The following FTO variants were observed in gnomAD, a reference collection of about 807,000 sequenced individuals.
FTO encodes FTO alpha-ketoglutarate dependent dioxygenase.
Under a neutral mutation model 63.9 loss-of-function variants are expected in FTO, and 47 were observed. The ratio of observed to expected loss-of-function variants is 0.74; its 90% confidence interval spans 0.58 to 0.94. FTO has a LOEUF of 0.94. Among genes scored for constraint, FTO ranks in the 40% least tolerant of loss-of-function variants. FTO has a pLI of 0.00. For missense variants in FTO, 562 were observed against 618.1 expected, an observed-to-expected ratio of 0.91 and a Z score of 0.96; for synonymous variants, 207 against 224.4, an observed-to-expected ratio of 0.92 and a Z score of 0.69.
chr16:54,106,055 G>A (rs1251903265), intron 8 of FTO, among the ~76,000 whole-genome samples: 2 of 152,114 alleles, frequency 1.3e-5, no homozygotes, highest in Non-Finnish European at 2.9e-5. Flanking sequence ...GATGCAATAA[G>A]GGAAGAAATT....
chr16:53,760,014 G>A (rs149888729), intron 1 of FTO, among the ~76,000 whole-genome samples: 6 of 152,060 alleles, frequency 3.9e-5, no homozygotes, highest in African/African-American at 1.4e-4. Context: ...AAGAATCTAG[G>A]GTCTAACCTC....
intron 6 of FTO, chr16:53,886,940 T>C (rs1307314295): frequency 6.6e-6 from 1 of 152,214 alleles, no homozygotes; most frequent in Non-Finnish European, 1.5e-5. Flanking sequence ...TCCACGTTTC[T>C]TTAGCGGGCA....
At chr16:54,017,517 T>C (rs147017668) in intron 8 of FTO, among the ~76,000 whole-genome samples, 1,715 of 152,326 alleles carry the variant, frequency 0.011, 15 homozygotes, top group South Asian at 0.024. Flanking sequence ...TCTTAGGCGC[T>C]TCTAGGCAAA....
At chr16:53,770,241 C>T (rs560426943) in intron 1 of FTO, among the ~76,000 whole-genome samples, 1 of 152,246 alleles carries the variant, frequency 6.6e-6, no homozygotes, top group South Asian at 2.1e-4. Context: ...TAATTTCTTC[C>T]TAACGAACCT....
At chr16:53,975,378 AT>A (rs1230294436) in intron 8 of FTO, among the ~76,000 whole-genome samples, 1 of 152,052 alleles carries the variant, frequency 6.6e-6, no homozygotes, top group Non-Finnish European at 1.5e-5. Flanking sequence ...TATCTTTAAT[AT>A]TTTTTGACTT....
At chr16:53,804,806 G>T (rs925877448) in intron 1 of FTO, among the ~76,000 whole-genome samples, 4 of 151,870 alleles carry the variant, frequency 2.6e-5, no homozygotes, top group African/African-American at 9.7e-5. Flanking sequence ...GGTAGAGACG[G>T]GGTTCCCTTT....
At position 54,079,474 on chromosome 16, in the gene FTO, A is replaced by G. The variant is rs2144502212; in HGVS notation, c.1365-32288A>G. On this transcript the variant is annotated intron_variant, in intron 8 of 8. Transcript: ENST00000471389. ...GACGAACAGACTTACTGTTGATGGC[A>G]GCCACTAGAAGAAAAACACATAGAT... Among the ~76,000 whole-genome samples the G allele has an allele frequency of 1.3e-5, 2 of 152,350 alleles. 1 individual carries two copies. The highest frequency in any genetic ancestry group is 1.3e-4 in the Admixed American group (2 of 15,294).
chr16:53,759,693 CAAAAAAAAAAAAAAAAA>C (rs758376530), intron 1 of FTO, among the ~76,000 whole-genome samples: 73 of 28,516 alleles, frequency 2.6e-3, no homozygotes, highest in African/African-American at 0.011. Context: ...GACTCCTTCT[CAAAAAAAAAAAAAAAAA>C]AAAAAAGAAA....
intron 1 of FTO, among the ~76,000 whole-genome samples, chr16:53,806,510 C>T (rs2078372095): frequency 6.6e-6 from 1 of 152,134 alleles, no homozygotes; most frequent in Admixed American, 6.5e-5. Flanking sequence ...TTCCCAATAT[C>T]TTCTGGAGAG....
intron 1 of FTO, among the ~76,000 whole-genome samples, chr16:53,739,966 A>C (rs2076492729): frequency 6.6e-6 from 1 of 152,234 alleles, no homozygotes; most frequent in Non-Finnish European, 1.5e-5. Context: ...ACAAGAATAG[A>C]AGTACCACGA....
At chr16:53,755,362 C>T (rs1333785212) in intron 1 of FTO, among the ~76,000 whole-genome samples, 1 of 152,046 alleles carries the variant, frequency 6.6e-6, no homozygotes, top group Non-Finnish European at 1.5e-5. Flanking sequence ...AGTCAGAGGC[C>T]TAGGACTCTC....
intron 8 of FTO, chr16:53,999,818 T>C (rs2084027137): frequency 6.6e-6 from 1 of 152,242 alleles, no homozygotes; most frequent in South Asian, 2.1e-4. Flanking sequence ...TTGCTAGGTT[T>C]CGTTCCCACA....
intron 7 of FTO, among the ~76,000 whole-genome samples, chr16:53,917,311 G>A (rs1385356841): frequency 6.6e-6 from 1 of 152,218 alleles, no homozygotes; most frequent in Non-Finnish European, 1.5e-5. Flanking sequence ...GGAGGTAAGA[G>A]AGTGAACTCT....
intron 1 of FTO, among the ~76,000 whole-genome samples, chr16:53,782,561 A>G (rs2077614414): frequency 2.0e-5 from 3 of 152,204 alleles, no homozygotes; most frequent in Admixed American, 6.5e-5. Context: ...ATCTTTCCTA[A>G]TAGAATATAC....
rs145650985 is a variant in FTO, at chr16:53,795,284, A to C, written c.46-14856A>C. Reference sequence around the variant, plus strand: ...TCAGAATGTATCATAAAGAGACAAAAGATTTTTTAAAAGGCATTTAGGAGA... The same window carrying C: ...TCAGAATGTATCATAAAGAGACAAACGATTTTTTAAAAGGCATTTAGGAGA... On this transcript the variant is annotated intron_variant, in intron 1 of 8. Coordinates refer to ENST00000471389, the MANE Select transcript of FTO (RefSeq NM_001080432.3). Among the ~76,000 whole-genome samples, 1,314 of 152,344 alleles carry C rather than the reference A, an allele frequency of 8.6e-3. 16 individuals carry two copies. The highest frequency in any genetic ancestry group is 0.03 in the African/African-American group (1,263 of 41,586).
intron 6 of FTO, among the ~76,000 whole-genome samples, chr16:53,883,947 CTGT>C (rs1259647844): frequency 6.6e-6 from 1 of 152,174 alleles, no homozygotes; most frequent in Non-Finnish European, 1.5e-5. Context: ...CTACTTTGTC[CTGT>C]TGTTCAATGA....
rs2086964741 is a variant in FTO, at chr16:54,115,004, G to A, written c.*3089G>A. 1 of 152,300 alleles carries A rather than the reference G, an allele frequency of 6.6e-6. No homozygotes were observed. Among genetic ancestry groups the A allele is most frequent in the South Asian group, 2.1e-4 (1 of 4,830 alleles). 9.4% of individuals were successfully genotyped at this position (152,300 alleles called of 1,614,324 possible). On this transcript the variant is annotated 3_prime_UTR_variant, in exon 9 of 9. Coordinates refer to ENST00000471389, the MANE Select transcript of FTO (RefSeq NM_001080432.3). Reference sequence around the variant, plus strand: ...GTGGGCAAGACCCAATAAAAAAGCAGCTGGTGCGGGCAATGACAATGAACT... The same window carrying A: ...GTGGGCAAGACCCAATAAAAAAGCAACTGGTGCGGGCAATGACAATGAACT...
At chr16:54,037,109 C>T (rs1486439535) in intron 8 of FTO, among the ~76,000 whole-genome samples, 3 of 152,184 alleles carry the variant, frequency 2.0e-5, no homozygotes, top group African/African-American at 7.2e-5. Context: ...TGGGTAGAGA[C>T]AGAATCTCTT....
At position 54,115,182 on chromosome 16, in the gene FTO, A is replaced by G. The variant is rs535260492; in HGVS notation, c.*3267A>G. ...AGCAGCCCCCTCCTGCTTTCCTGCC[A>G]GTCCTCCCTGTGGTCCCAGGTCTCT... On this transcript the variant is annotated 3_prime_UTR_variant, in exon 9 of 9. Coordinates refer to ENST00000471389, the MANE Select transcript of FTO (RefSeq NM_001080432.3). 2.0e-5 allele frequency: 3 copies of G among 152,380 alleles called. No individual in the cohort carries two copies. Among genetic ancestry groups the G allele is most frequent in the Admixed American group, 2.0e-4 (3 of 15,304 alleles). The allele number at this position is 152,380 out of a possible 1,614,324, so 9.4% of individuals were successfully genotyped here. A position where few individuals can be genotyped will look rare whatever the true frequency, so the allele number is the denominator to read the frequency against.
Sources: gnomAD v4.1 joint callset for allele counts (sites outside exome capture counted in the v4.1 genomes callset) on GRCh38, gnomAD v4.1.1 for gene constraint, MANE v1.5 for transcripts, NCBI Gene and HGNC (gene_info 2026-07-23, HGNC 2026-07-21) for gene names.